ANKRD17: variants seen among roughly 807,000 people sequenced by gnomAD.
ANKRD17 encodes the protein ankyrin repeat domain 17.
ANKRD17 carries 19 observed loss-of-function variants against 229.7 expected under a neutral mutation model. The ratio of observed to expected loss-of-function variants is 0.08; its 90% CI spans 0.06 to 0.12. The LOEUF is 0.12. Ranked by LOEUF, ANKRD17 falls within the 10% of genes least tolerant of loss-of-function variation. ANKRD17 has a pLI of 1.00. For missense variants in ANKRD17, 2,176 were observed against 3,176.8 expected (o/e 0.68, Z 7.57); for synonymous variants, 1,112 against 1,146.1 (o/e 0.97, Z 0.60).
chr4:73,166,556 T>A (rs1318285714), intron 2 of ANKRD17, among the ~76,000 whole-genome samples: 6 of 152,024 alleles, frequency 3.9e-5, no homozygotes, highest in Admixed American at 2.0e-4. Flanking sequence ...AATCTCAACA[T>A]CACAAAAAGA....
intron 1 of ANKRD17, among the ~76,000 whole-genome samples, chr4:73,234,827 G>A (rs1369258440): frequency 6.6e-6 from 1 of 152,196 alleles, no homozygotes; most frequent in Non-Finnish European, 1.5e-5. Context: ...GCTGGAGAAA[G>A]GGTAGGAGGG....
chr4:73,166,781 T>C (rs1320103476), intron 2 of ANKRD17, among the ~76,000 whole-genome samples: 1 of 151,840 alleles, frequency 6.6e-6, no homozygotes, highest in African/African-American at 2.4e-5. Context: ...AGAGGAACTG[T>C]TATGATTAAA....
At chr4:73,179,440 A>G (rs1014273694) in intron 1 of ANKRD17, among the ~76,000 whole-genome samples, 1 of 139,378 alleles carries the variant, frequency 7.2e-6, no homozygotes, top group African/African-American at 2.6e-5. Flanking sequence ...GTGTGTGTGT[A>G]TATATATCTG....
chr4:73,158,152 A>AAAAGAAAGAAGAAAGAAAGAAAG (rs1553925347), intron 3 of ANKRD17, among the ~76,000 whole-genome samples: 12 of 128,808 alleles, frequency 9.3e-5, no homozygotes, highest in South Asian at 2.8e-4. Context: ...GAAAGGAAGA[A>AAAAGAAAGAAGAAAGAAAGAAAG]AAAGAAAGAA....
At position 73,207,285 on chromosome 4, in the gene ANKRD17, G is replaced by C. The variant is rs555480258; in HGVS notation, c.394-29752C>G. On this transcript the variant is annotated intron_variant, in intron 1 of 33. Transcript: ENST00000358602. Reference sequence around the variant, plus strand: ...ATAATATTTGTCAATTTAAATAAAAGTAAAGTCAGATTAAAGATATATGAA... The same window carrying C: ...ATAATATTTGTCAATTTAAATAAAACTAAAGTCAGATTAAAGATATATGAA... 1.4e-3 allele frequency among the ~76,000 whole-genome samples: 206 copies of C among 151,938 alleles called. 1 individual carries two copies. The highest frequency in any genetic ancestry group is 4.7e-3 in the African/African-American group (196 of 41,422).
chr4:73,120,400 A>C, intron 20 of ANKRD17, 63 bp from the exon 21 acceptor site: 1 of 1,463,128 alleles, frequency 6.8e-7, no homozygotes, highest in Non-Finnish European at 9.3e-7. Context: ...TAAAATTGTA[A>C]AGAATAACAA....
rs117585664 is a variant in ANKRD17 at position 73,214,741 on chromosome 4, C to T, written c.394-37208G>A. Reference sequence around the variant, plus strand: ...ATCTTAGGCCAGGTGCAGTCGCTCACGCCTGTAATGCTAGCGCTTTAGGAG... The same window carrying T: ...ATCTTAGGCCAGGTGCAGTCGCTCATGCCTGTAATGCTAGCGCTTTAGGAG... On this transcript the variant is annotated intron_variant, in intron 1 of 33. Transcript: ENST00000358602. Among the ~76,000 whole-genome samples the T allele has an allele frequency of 1.7e-3, 264 of 150,988 alleles. 9 individuals are homozygous for T. The East Asian group carries it at 0.044, about 25-fold the overall frequency.
chr4:73,212,715 T>G (rs1740452017), intron 1 of ANKRD17, among the ~76,000 whole-genome samples: 1 of 152,108 alleles, frequency 6.6e-6, no homozygotes, highest in Non-Finnish European at 1.5e-5. Flanking sequence ...AGTTATTTCT[T>G]TGTGAAATAT....
chr4:73,224,349 G>A (rs1742237062), intron 1 of ANKRD17, among the ~76,000 whole-genome samples: 1 of 152,106 alleles, frequency 6.6e-6, no homozygotes, highest in African/African-American at 2.4e-5. Context: ...ATGTTTTAGT[G>A]GTGATTTTGG....
At chr4:73,179,647 C>A (rs998549263) in intron 1 of ANKRD17, among the ~76,000 whole-genome samples, 5 of 150,598 alleles carry the variant, frequency 3.3e-5, no homozygotes, top group African/African-American at 1.2e-4. Context: ...GCACACACCA[C>A]GCCTGGCTGA....
At chr4:73,136,980 G>T (rs867536470) in intron 15 of ANKRD17, among the ~76,000 whole-genome samples, 108 of 131,200 alleles carry the variant, frequency 8.2e-4, no homozygotes, top group Middle Eastern at 3.9e-3. Flanking sequence ...AAATTACAGA[G>T]TTTTTTTTTT....
At chr4:73,132,500 A>C (rs976647391) in intron 16 of ANKRD17, among the ~76,000 whole-genome samples, 3 of 152,162 alleles carry the variant, frequency 2.0e-5, no homozygotes, top group Non-Finnish European at 4.4e-5. Flanking sequence ...CCAAGGTAGG[A>C]ACTTTTTAAT....
intron 23 of ANKRD17, 136 bp downstream of exon 23, chr4:73,115,685 G>T (rs1376013385): frequency 3.5e-6 from 2 of 579,238 alleles, no homozygotes; most frequent in African/African-American, 1.8e-5. Flanking sequence ...CTCTTAAATC[G>T]CATACTTCAT....
intron 1 of ANKRD17, among the ~76,000 whole-genome samples, chr4:73,221,309 G>C (rs16849190): frequency 0.018 from 2,721 of 151,922 alleles, 70 homozygotes; most frequent in African/African-American, 0.062. Flanking sequence ...ATCTTAACAT[G>C]GTATTAAACA....
At chr4:73,111,212 A>G (rs1725276608) in intron 24 of ANKRD17, among the ~76,000 whole-genome samples, 1 of 152,234 alleles carries the variant, frequency 6.6e-6, no homozygotes, top group Admixed American at 6.5e-5. Flanking sequence ...AGGCACAATG[A>G]AAGATAAGCA....
chr4:73,187,734 T>A (rs1044654465), intron 1 of ANKRD17, among the ~76,000 whole-genome samples: 1 of 152,198 alleles, frequency 6.6e-6, no homozygotes, highest in African/African-American at 2.4e-5. Context: ...CAATTCTTTG[T>A]TCCAGATGCC....
chr4:73,238,329 T>C (rs1743697483), intron 1 of ANKRD17, among the ~76,000 whole-genome samples: 1 of 152,156 alleles, frequency 6.6e-6, no homozygotes, highest in African/African-American at 2.4e-5. Context: ...TTAAGAGGTA[T>C]AGGAGGGTCT....
chr4:73,098,832 C>A, intron 25 of ANKRD17: 1 of 1,526,414 alleles, frequency 6.6e-7, no homozygotes, highest in South Asian at 1.1e-5. Flanking sequence ...ATGAGTGAGT[C>A]GAGCTTGAAG....
At chr4:73,076,911 C>T (rs368171988) in intron 33 of ANKRD17, 29 bp downstream of exon 33, 168 of 1,582,974 alleles carry the variant, frequency 1.1e-4, no homozygotes, top group Non-Finnish European at 1.3e-4. Context: ...CACAAAACAA[C>T]TGTTTATTCA....
Sources: allele counts gnomAD v4.1 joint callset (sites outside exome capture counted in the v4.1 genomes callset), GRCh38; gene constraint gnomAD v4.1.1; transcripts MANE v1.5; gene names NCBI Gene and HGNC (gene_info 2026-07-23, HGNC 2026-07-21).